The following SERPINA12 variants were observed in gnomAD, a reference collection of about 807,000 sequenced individuals.
The protein encoded by SERPINA12 is serpin A12.
A neutral mutation model predicts 25.9 loss-of-function variants in SERPINA12; 21 were observed. The ratio of observed to expected loss-of-function variants is 0.81; its 90% CI spans 0.58 to 1.17. The LOEUF is 1.17. Among genes scored for constraint, SERPINA12 ranks in the 50% most tolerant of loss-of-function variants. SERPINA12 has a pLI of 0.00. For missense variants in SERPINA12, 562 were observed against 508.3 expected (o/e 1.11, Z -1.02); for synonymous variants, 220 against 196.0 (o/e 1.12, Z -1.02).
At chr14:94,500,479 T>C (rs918110131) in intron 1 of SERPINA12, among the ~76,000 whole-genome samples, 4 of 152,128 alleles carry the variant, frequency 2.6e-5, no homozygotes, top group African/African-American at 9.7e-5. Context: ...CTGCTACTGG[T>C]TGGTTCAGGA....
chr14:94,498,201 T>G lies in SERPINA12; in HGVS notation c.197A>C (p.Tyr66Ser). 1 of 1,614,206 alleles carries G rather than the reference T, an allele frequency of 6.2e-7. No homozygotes were observed. Among genetic ancestry groups the G allele is most frequent in the Non-Finnish European group, 8.5e-7 (1 of 1,180,028 alleles). ...GFKLLKKLAF[Y>S]NPGRNIFLSP... ...TAGGAAGATGTTCCTGCCAGGGTTG[T>G]AAAAGGCCAGCTTCTTGAGCAGCTT... Residue 66 changes from tyrosine (Y) to serine (S), a missense_variant, in exon 2 of 5, where the codon TAC (tyrosine) becomes TCC (serine). Coordinates refer to ENST00000677451, the MANE Select transcript of SERPINA12 (RefSeq NM_001382267.1).
intron 1 of SERPINA12, chr14:94,501,019 C>T (rs1370947244): frequency 2.0e-6 from 2 of 985,090 alleles, no homozygotes; most frequent in Non-Finnish European, 1.2e-6. Context: ...CCCCCAAAAA[C>T]CACTTCTTGG....
intron 3 of SERPINA12, among the ~76,000 whole-genome samples, chr14:94,495,315 G>T (rs1441964858): frequency 6.6e-6 from 1 of 151,794 alleles, no homozygotes; most frequent in Non-Finnish European, 1.5e-5. Flanking sequence ...TGATCCGCCC[G>T]CCTCGGCCTC....
chr14:94,517,100 C>T (rs868362185), intron 1 of SERPINA12, among the ~76,000 whole-genome samples: 3 of 152,372 alleles, frequency 2.0e-5, no homozygotes, highest in Middle Eastern at 3.4e-3. Context: ...TCCCAGCAGC[C>T]AAGGACCACA....
At chr14:94,506,287 C>A (rs996076208) in intron 1 of SERPINA12, among the ~76,000 whole-genome samples, 1 of 152,134 alleles carries the variant, frequency 6.6e-6, no homozygotes, top group Non-Finnish European at 1.5e-5. Flanking sequence ...TTGGATCTCC[C>A]AGATGGAAGA....
At chr14:94,515,867 T>A (rs932024000) in exon 2 of SERPINA12, 4 of 152,226 alleles carry the variant, frequency 2.6e-5, no homozygotes, top group African/African-American at 9.7e-5. Flanking sequence ...TTTTTACTCG[T>A]CTGCTGAATT....
intron 4 of SERPINA12, among the ~76,000 whole-genome samples, chr14:94,487,850 A>T (rs1466046049): frequency 1.3e-5 from 2 of 151,782 alleles, no homozygotes; most frequent in East Asian, 3.9e-4. Flanking sequence ...AGGTGGTGGT[A>T]CCCCCACCCT....
At chr14:94,495,363 C>T (rs1201106306) in intron 3 of SERPINA12, among the ~76,000 whole-genome samples, 5 of 152,092 alleles carry the variant, frequency 3.3e-5, no homozygotes, top group Admixed American at 1.3e-4. Context: ...CCACCGCGCC[C>T]GGCCAGAATT....
rs774898482 is a variant in SERPINA12 at position 94,497,825 on chromosome 14, G to T, written c.573C>A (p.Asn191Lys). ...ISQKTHGKIN[N>K]LIENIDPGTV... ...TGCCGGGGTCTATATTCTCGATCAG[G>T]TTGTTAATTTTCCCATGGGTTTTTT... The change falls in exon 2 of 5, where the codon AAC (asparagine) becomes AAA (lysine). Residue 191 changes from asparagine to lysine, a missense_variant. Physicochemically the swap from Asn to Lys is moderately conservative, Grantham distance 94 (BLOSUM62 0). Transcript: ENST00000677451. 5.0e-5 allele frequency: 81 copies of T among 1,613,972 alleles called. No individual in the cohort carries two copies. Among genetic ancestry groups the T allele is most frequent in the Admixed American group, 1.0e-4 (6 of 60,000 alleles).
At chr14:94,493,213 A>G (rs1360772211) in intron 3 of SERPINA12, among the ~76,000 whole-genome samples, 1 of 152,194 alleles carries the variant, frequency 6.6e-6, no homozygotes, top group South Asian at 2.1e-4. Context: ...CTTATCTCCC[A>G]GAAATAATGA....
chr14:94,487,455 T>C lies in SERPINA12; in HGVS notation c.1093A>G (p.Thr365Ala). 6.2e-7 allele frequency: 1 copy of C among 1,614,016 alleles called. No homozygotes were observed. The highest frequency in any genetic ancestry group is 1.1e-5 in the South Asian group (1 of 91,040). The change falls in exon 5 of 5, where the codon ACG (threonine) becomes GCG (alanine). Residue 365 changes from threonine to alanine, a missense_variant. Thr to Ala is a moderately conservative substitution (Grantham distance 58). Transcript: ENST00000677451. The part of the protein sequence containing the change: ...KAELKMDERG[T>A]EGAAGTGAQT... The stretch of plus-strand genomic sequence containing the variant: ...GCTCCGGTGCCAGCGGCCCCTTCCG[T>C]ACCCCTCTCATCCATCTTCAGCTCA...
At chr14:94,510,328 G>A (rs141831699), upstream of SERPINA12, 974 of 926,434 alleles carry the variant, frequency 1.1e-3, 10 homozygotes, top group African/African-American at 0.016. Context: ...GAACAACAGA[G>A]GATATAAAAA....
rs1291367476 is a variant in SERPINA12, at chr14:94,515,617, C to T, written c.-18+203G>A. On this transcript the variant is annotated intron_variant, in intron 2 of 5. Coordinates refer to the SERPINA12 transcript ENST00000341228. ...ACGGCAGGGACAGCCAGGTTCTGTG[C>T]TCAAGGAGCTGATACTCAAACGGCC... 2.0e-5 allele frequency among the ~76,000 whole-genome samples: 3 copies of T among 152,130 alleles called. No individual in the cohort carries two copies. The South Asian group carries it at 6.2e-4, about 32-fold the overall frequency.
upstream of SERPINA12, chr14:94,509,953 G>T (rs371022677): frequency 1.4e-5 from 14 of 984,570 alleles, no homozygotes; most frequent in Middle Eastern, 1.0e-3. Context: ...AATACCAGCC[G>T]CCTGGCACAG....
At chr14:94,499,415 C>T (rs2139854981) in intron 1 of SERPINA12, among the ~76,000 whole-genome samples, 1 of 152,290 alleles carries the variant, frequency 6.6e-6, no homozygotes. Flanking sequence ...AATCTCCAGC[C>T]CTAATTCTGC....
At chr14:94,501,909 G>C (rs1900744496) in intron 1 of SERPINA12, among the ~76,000 whole-genome samples, 1 of 152,092 alleles carries the variant, frequency 6.6e-6, no homozygotes, top group Non-Finnish European at 1.5e-5. Flanking sequence ...AGATGCCTGA[G>C]TAGGCTAATT....
intron 1 of SERPINA12, among the ~76,000 whole-genome samples, chr14:94,506,188 G>A (rs1900928277): frequency 6.6e-6 from 1 of 152,220 alleles, no homozygotes; most frequent in African/African-American, 2.4e-5. Context: ...CTGGTCGGAG[G>A]CTGAGGGGTG....
intron 1 of SERPINA12, among the ~76,000 whole-genome samples, chr14:94,503,830 A>G (rs747729107): frequency 6.6e-6 from 1 of 152,240 alleles, no homozygotes; most frequent in Non-Finnish European, 1.5e-5. Flanking sequence ...GGCCAGCATC[A>G]TGCAGCAGGG....
At chr14:94,501,233 C>T (rs758518726) in intron 1 of SERPINA12, 262 of 895,668 alleles carry the variant, frequency 2.9e-4, no homozygotes, top group Non-Finnish European at 3.4e-4. Context: ...TCAGAGTGGG[C>T]GCAAGTTCCC....
Sources: gnomAD v4.1 joint callset for allele counts (sites outside exome capture counted in the v4.1 genomes callset) on GRCh38, gnomAD v4.1.1 for gene constraint, MANE v1.5 for transcripts, NCBI Gene and HGNC (gene_info 2026-07-23, HGNC 2026-07-21) for gene names.